The following ATP8B1 variants were observed in gnomAD, a reference collection of about 807,000 sequenced individuals.
The protein encoded by ATP8B1 is phospholipid-transporting ATPase IC.
In ATP8B1, 80 loss-of-function variants were observed where a neutral mutation model predicts 149.9. The observed-to-expected ratio is 0.53, with a 90% confidence interval of 0.45 to 0.64. The LOEUF is 0.64. Among genes scored for constraint, ATP8B1 ranks in the 30% least tolerant of loss-of-function variants. The pLI is 0.00. For missense variants in ATP8B1, 1,247 were observed against 1,552.6 expected, an observed-to-expected ratio of 0.80 and a Z score of 3.31; for synonymous variants, 536 against 562.8, an observed-to-expected ratio of 0.95 and a Z score of 0.67.
chr18:57,653,946 C>T (rs1909812796), intron 24 of ATP8B1, 46 bp downstream of exon 24: 1 of 1,521,340 alleles, frequency 6.6e-7, no homozygotes, highest in Non-Finnish European at 9.1e-7. Context: ...TTCTCTAACG[C>T]ATTCTCATCT....
At chr18:57,672,926 ATATATAAC>A (rs1469866670) in intron 16 of ATP8B1, among the ~76,000 whole-genome samples, 2 of 46,608 alleles carry the variant, frequency 4.3e-5, no homozygotes, top group Non-Finnish European at 7.2e-5. Context: ...ATATATATAT[ATATATAAC>A]ATGTATATAC....
At chr18:57,730,632 T>C (rs1404772547) in intron 2 of ATP8B1, among the ~76,000 whole-genome samples, 2 of 152,176 alleles carry the variant, frequency 1.3e-5, no homozygotes, top group Non-Finnish European at 2.9e-5. Flanking sequence ...AGCCATGTTC[T>C]ACTGCCTTCA....
chr18:57,691,682 A>T, intron 12 of ATP8B1, 125 bp downstream of exon 12: 2 of 1,248,418 alleles, frequency 1.6e-6, no homozygotes, highest in East Asian at 2.5e-5. Context: ...TTCTGAAATG[A>T]ACGTGATTTT....
intron 1 of ATP8B1, among the ~76,000 whole-genome samples, chr18:57,748,805 GTTTAA>G (rs1173712656): frequency 1.3e-5 from 2 of 152,174 alleles, no homozygotes; most frequent in Admixed American, 1.3e-4. Context: ...CTATTTTAAA[GTTTAA>G]TTTAATTTAA....
At chr18:57,656,604 T>A (rs893096510) in intron 22 of ATP8B1, among the ~76,000 whole-genome samples, 3 of 151,988 alleles carry the variant, frequency 2.0e-5, no homozygotes, top group Admixed American at 6.6e-5. Flanking sequence ...CTTGAACTCC[T>A]GAACTCAGGT....
chr18:57,795,043 C>A (rs1472796771), intron 1 of ATP8B1, among the ~76,000 whole-genome samples: 1 of 152,066 alleles, frequency 6.6e-6, no homozygotes, highest in Non-Finnish European at 1.5e-5. Flanking sequence ...AAGGGGGGCT[C>A]AAAAACTGAC....
At chr18:57,732,469 T>C (rs1379168041) in intron 1 of ATP8B1, among the ~76,000 whole-genome samples, 1 of 151,500 alleles carries the variant, frequency 6.6e-6, no homozygotes, top group African/African-American at 2.4e-5. Flanking sequence ...CTATAAAATA[T>C]CAGATTACAG....
chr18:57,683,174 C>A (rs1190176255), intron 15 of ATP8B1, among the ~76,000 whole-genome samples: 2 of 152,102 alleles, frequency 1.3e-5, no homozygotes, highest in Admixed American at 1.3e-4. Flanking sequence ...AAATTTCATA[C>A]CTGCTACATA....
intron 15 of ATP8B1, among the ~76,000 whole-genome samples, chr18:57,682,730 A>T (rs1234540090): frequency 6.6e-6 from 1 of 152,078 alleles, no homozygotes. Context: ...TATCCACCCT[A>T]ATCTGAACTC....
At chr18:57,675,716 G>A (rs1277912306) in intron 15 of ATP8B1, among the ~76,000 whole-genome samples, 1 of 151,992 alleles carries the variant, frequency 6.6e-6, no homozygotes. Flanking sequence ...TTTCTTTCTT[G>A]TTTTTCTGAA....
chr18:57,713,445 T>C (rs1054470736), intron 2 of ATP8B1, among the ~76,000 whole-genome samples: 1 of 150,812 alleles, frequency 6.6e-6, no homozygotes, highest in Non-Finnish European at 1.5e-5. Context: ...TACAGGCATG[T>C]ACCACCATGC....
chr18:57,801,961 A>G (rs925075383), intron 1 of ATP8B1: 1 of 152,104 alleles, frequency 6.6e-6, no homozygotes, highest in Non-Finnish European at 1.5e-5. Context: ...AGTCCTCCTT[A>G]CTTCTGCGTG....
chr18:57,738,468 CA>C (rs904687001), intron 1 of ATP8B1, among the ~76,000 whole-genome samples: 129 of 152,034 alleles, frequency 8.5e-4, no homozygotes, highest in Admixed American at 1.6e-3. Context: ...ATTAATAATA[CA>C]AAAAAATTAG....
chr18:57,753,945 A>AG (rs1342217513), intron 1 of ATP8B1, among the ~76,000 whole-genome samples: 3 of 85,440 alleles, frequency 3.5e-5, no homozygotes, highest in East Asian at 2.6e-4. Flanking sequence ...AAAAAAAAAA[A>AG]AAAGAAAGAA....
In ATP8B1 at chr18:57,646,765, C is replaced by T. The variant is rs11543269; in HGVS notation, c.*1723G>A. 13,548 of 152,636 alleles carry T rather than the reference C, an allele frequency of 0.089. 701 individuals carry two copies. The highest frequency in any genetic ancestry group is 0.11 in the Non-Finnish European group (7,792 of 67,994). 9.5% of individuals were successfully genotyped at this position (152,636 alleles called of 1,614,324 possible). A position where few individuals can be genotyped will look rare whatever the true frequency, so the allele number is the denominator to read the frequency against. ...TACTTCCACAGAATAAAAAGCCATA[C>T]ATTCTTTTATCATACCTAGAAAATG... is the stretch of plus-strand genomic sequence containing the variant. On this transcript the variant is annotated 3_prime_UTR_variant, in exon 28 of 28. Coordinates refer to ENST00000648908, the MANE Select transcript of ATP8B1 (RefSeq NM_001374385.1).
chr18:57,731,459 G>C, intron 2 of ATP8B1, 168 bp downstream of exon 2: 1 of 757,236 alleles, frequency 1.3e-6, no homozygotes, highest in Admixed American at 2.2e-5. Context: ...AAGGACAATG[G>C]GTACTTGTCC....
Position 57,661,233 on chromosome 18 carries a change from T to G in ATP8B1, c.2648A>C (p.Tyr883Ser). 3 of 1,614,064 alleles carry G rather than the reference T, an allele frequency of 1.9e-6. No individual in the cohort carries two copies. The highest frequency in any genetic ancestry group is 2.5e-6 in the Non-Finnish European group (3 of 1,180,010). ...GATGGCCAGCGTGATGGCTTTCTTG[T>G]ACCTCTTCACCAGGTCCACCACCAT... The part of the protein sequence containing the change: ...KAMVVDLVKR[Y>S]KKAITLAIGD... Residue 883 changes from tyrosine (Y) to serine (S), a missense_variant, in exon 22 of 28, where the codon TAC (tyrosine) becomes TCC (serine). Physicochemically the swap from Tyr to Ser is moderately radical, Grantham distance 144. This residue lies in a region of ATP8B1 where 230 missense variants were observed against 356.6 expected (regional missense o/e 0.65). Transcript: ENST00000648908.
intron 22 of ATP8B1, among the ~76,000 whole-genome samples, chr18:57,658,668 T>TGTGTGTGTGTG (rs1555688370): frequency 7.9e-6 from 1 of 126,378 alleles, no homozygotes; most frequent in Non-Finnish European, 1.7e-5. Context: ...TGTGTGTGTG[T>TGTGTGTGTGTG]TCTTTTTTGT....
chr18:57,783,882 C>T (rs902386596), intron 1 of ATP8B1, among the ~76,000 whole-genome samples: 2 of 151,846 alleles, frequency 1.3e-5, no homozygotes, highest in Admixed American at 6.6e-5. Flanking sequence ...GAAGAAAACA[C>T]AGAAGCCGTC....
Sources: allele counts gnomAD v4.1 joint callset (sites outside exome capture counted in the v4.1 genomes callset), GRCh38; gene constraint gnomAD v4.1.1; regional missense constraint gnomAD v4.1.1; transcripts MANE v1.5; gene names NCBI Gene and HGNC (gene_info 2026-07-23, HGNC 2026-07-21).